The following ST8SIA5 variants were observed in gnomAD, a reference collection of about 807,000 sequenced individuals.
ST8SIA5 encodes the protein alpha-2,8-sialyltransferase 8E.
In ST8SIA5, 24 loss-of-function variants were observed where a neutral mutation model predicts 40.2. The ratio of observed to expected loss-of-function variants is 0.60; its 90% confidence interval spans 0.43 to 0.84. ST8SIA5 has a LOEUF of 0.84. Ranked by LOEUF, ST8SIA5 falls within the 40% of genes least tolerant of loss-of-function variation. The pLI is 0.00. For missense variants in ST8SIA5, 465 were observed against 498.5 expected (o/e 0.93, Z 0.64); for synonymous variants, 198 against 201.8 (o/e 0.98, Z 0.16).
intron 4 of ST8SIA5, among the ~76,000 whole-genome samples, chr18:46,688,056 G>A (rs978612659): frequency 2.6e-5 from 4 of 152,176 alleles, no homozygotes; most frequent in African/African-American, 4.8e-5. Context: ...AACAGTTCAC[G>A]TCTGCAGCTC....
At chr18:46,698,658 T>A (rs1233823512) in intron 2 of ST8SIA5, among the ~76,000 whole-genome samples, 1 of 152,230 alleles carries the variant, frequency 6.6e-6, no homozygotes, top group Non-Finnish European at 1.5e-5. Context: ...TTCTTGGTAT[T>A]TACTTGAGAA....
chr18:46,734,301 G>A (rs1233114523), intron 1 of ST8SIA5, among the ~76,000 whole-genome samples: 4 of 152,142 alleles, frequency 2.6e-5, no homozygotes, highest in African/African-American at 7.2e-5. Context: ...CACCTGGGGG[G>A]CCTTTCATTG....
intron 1 of ST8SIA5, among the ~76,000 whole-genome samples, chr18:46,716,115 G>C (rs1413442153): frequency 3.3e-5 from 5 of 151,954 alleles, no homozygotes; most frequent in Non-Finnish European, 5.9e-5. Context: ...TAGATAGATA[G>C]ATAGATAGAT....
chr18:46,695,127 C>G (rs2039545028), intron 2 of ST8SIA5, among the ~76,000 whole-genome samples: 1 of 149,848 alleles, frequency 6.7e-6, no homozygotes, highest in Non-Finnish European at 1.5e-5. Flanking sequence ...CCATTGCACT[C>G]CAGCCTAGGC....
At chr18:46,697,260 A>G (rs60870197) in intron 2 of ST8SIA5, among the ~76,000 whole-genome samples, 1,915 of 152,322 alleles carry the variant, frequency 0.013, 37 homozygotes, top group African/African-American at 0.044. Flanking sequence ...AAATATGGAT[A>G]GATAGCCAAG....
chr18:46,726,787 C>T (rs377650322), intron 1 of ST8SIA5, among the ~76,000 whole-genome samples: 11 of 152,138 alleles, frequency 7.2e-5, no homozygotes, highest in South Asian at 2.1e-4. Flanking sequence ...AGTGTGGTGG[C>T]GCATGCCTGT....
chr18:46,750,806 G>A (rs2040188671), intron 1 of ST8SIA5, among the ~76,000 whole-genome samples: 3 of 152,120 alleles, frequency 2.0e-5, no homozygotes, highest in Admixed American at 2.0e-4. Context: ...GCTCTCCTTT[G>A]TGCCCAGACC....
intron 3 of ST8SIA5, among the ~76,000 whole-genome samples, chr18:46,689,255 C>T (rs1161736287): frequency 2.0e-5 from 3 of 152,118 alleles, no homozygotes; most frequent in Non-Finnish European, 2.9e-5. Context: ...GGCTTCTTTC[C>T]ATGAAGCCCC....
chr18:46,716,121 TAG>T lies in ST8SIA5; in HGVS notation c.132-11459_132-11458del, dbSNP rs1568266033. Among the ~76,000 whole-genome samples the T allele has an allele frequency of 4.0e-4, 61 of 151,768 alleles. 1 individual carries two copies. The South Asian group carries it at 0.012, about 30-fold the overall frequency. The stretch of plus-strand genomic sequence containing the variant: ...ATAGATAGATAGATAGATAGATAGA[TAG>T]ATAGATAGATAGATATAGTGCTCCA... On this transcript the variant is annotated intron_variant, in intron 1 of 6. Coordinates refer to ENST00000315087, the MANE Select transcript of ST8SIA5 (RefSeq NM_013305.6).
At chr18:46,730,751 T>G (rs1243619114) in intron 1 of ST8SIA5, among the ~76,000 whole-genome samples, 1 of 152,122 alleles carries the variant, frequency 6.6e-6, no homozygotes, top group Non-Finnish European at 1.5e-5. Context: ...CAATTAGTCA[T>G]GATCACACCA....
chr18:46,707,337 A>T (rs2039679521), intron 1 of ST8SIA5, among the ~76,000 whole-genome samples: 1 of 152,178 alleles, frequency 6.6e-6, no homozygotes, highest in African/African-American at 2.4e-5. Context: ...ATGGCTACAA[A>T]CCAGCTGTGT....
chr18:46,710,415 CTTTTTCTT>C (rs2039717492), intron 1 of ST8SIA5, among the ~76,000 whole-genome samples: 1 of 126,780 alleles, frequency 7.9e-6, no homozygotes, highest in Non-Finnish European at 1.7e-5. Flanking sequence ...TTCTTTCTTT[CTTTTTCTT>C]TCTCTCTCTT....
intron 2 of ST8SIA5, among the ~76,000 whole-genome samples, chr18:46,703,066 G>T (rs796758555): frequency 3.9e-5 from 6 of 152,258 alleles, no homozygotes; most frequent in African/African-American, 1.4e-4. Context: ...AGAGAGACGG[G>T]TGCTGACATT....
At position 46,712,441 on chromosome 18, in the gene ST8SIA5, G is replaced by T. The variant is rs1057506501; in HGVS notation, c.132-7777C>A. ...GGATTCGGTCTTCTCCCCCCTGGGG[G>T]AGTCTCTCTGTCTGGAATACTCTTT... On this transcript the variant is annotated intron_variant, in intron 1 of 6. Coordinates refer to ENST00000315087, the MANE Select transcript of ST8SIA5 (RefSeq NM_013305.6). 2.0e-5 allele frequency among the ~76,000 whole-genome samples: 3 copies of T among 152,180 alleles called. No individual in the cohort carries two copies. The East Asian group carries it at 5.8e-4, about 29-fold the overall frequency.
In ST8SIA5 at chr18:46,683,190, C is replaced by T. The variant is rs199785428; in HGVS notation, c.570-1126G>A. On this transcript the variant is annotated intron_variant, in intron 5 of 6. Transcript: ENST00000315087. ...AGGTAGCGATACCTTCAGGGGGAAACGGAGGTAGAATGGGAAGGAGCACAC... is the reference window on the plus strand; with the variant it reads ...AGGTAGCGATACCTTCAGGGGGAAATGGAGGTAGAATGGGAAGGAGCACAC... Among the ~76,000 whole-genome samples, 8 of 152,116 alleles carry T rather than the reference C, an allele frequency of 5.3e-5. No homozygotes were observed. In the East Asian group the frequency reaches 9.7e-4, roughly 18 times the overall value.
chr18:46,740,930 AT>A (rs1454847365), intron 1 of ST8SIA5, among the ~76,000 whole-genome samples: 1 of 152,234 alleles, frequency 6.6e-6, no homozygotes, highest in Non-Finnish European at 1.5e-5. Flanking sequence ...AATTGAAGAG[AT>A]TTAATTAAAG....
At chr18:46,710,405 TTCTTTCTTTCTTTTTC>T (rs1478299022) in intron 1 of ST8SIA5, among the ~76,000 whole-genome samples, 1 of 121,704 alleles carries the variant, frequency 8.2e-6, no homozygotes, top group Non-Finnish European at 1.7e-5. Context: ...CTTTCTTTCT[TTCTTTCTTTCTTTTTC>T]TTTCTCTCTC....
chr18:46,701,535 G>T (rs1214023125), intron 2 of ST8SIA5, among the ~76,000 whole-genome samples: 2 of 152,124 alleles, frequency 1.3e-5, no homozygotes, highest in Non-Finnish European at 2.9e-5. Context: ...TTAGAGCACA[G>T]GCAAGACTCA....
Position 46,669,197 on chromosome 18 carries a change from C to G in ST8SIA5, c.*10845G>C, listed in dbSNP as rs1266601841. On this transcript the variant is annotated 3_prime_UTR_variant, in exon 7 of 7. Coordinates refer to ENST00000315087, the MANE Select transcript of ST8SIA5 (RefSeq NM_013305.6). ...GTGAAGCCCAGGCCTGGAGCAGACT[C>G]CAGATCAGCCTAACAACTTCAGAGG... The G allele has an allele frequency of 6.6e-6, 1 of 152,556 alleles. No individual in the cohort carries two copies. The highest frequency in any genetic ancestry group is 1.5e-5 in the Non-Finnish European group (1 of 68,356). 9.5% of individuals were successfully genotyped at this position (152,556 alleles called of 1,614,324 possible).
Sources: gnomAD v4.1 joint callset for allele counts (sites outside exome capture counted in the v4.1 genomes callset) on GRCh38, gnomAD v4.1.1 for gene constraint, MANE v1.5 for transcripts, NCBI Gene and HGNC (gene_info 2026-07-23, HGNC 2026-07-21) for gene names.